Variants in SULF1 observed in about 807,000 individuals in gnomAD.
SULF1 encodes extracellular sulfatase Sulf-1.
Under a neutral mutation model 110.5 loss-of-function variants are expected in SULF1, and 46 were observed. The observed-to-expected ratio is 0.42, with a 90% CI of 0.33 to 0.53. The LOEUF (loss-of-function observed/expected upper bound fraction) is 0.53. Ranked by LOEUF, SULF1 falls within the 20% of genes least tolerant of loss-of-function variation. The probability of loss-of-function intolerance (pLI) is 0.12; values close to 1 mark genes in which losing one functional copy is unlikely to be tolerated. For synonymous variants in SULF1, 371 were observed against 387.1 expected (o/e 0.96, Z 0.49); for missense variants, 941 against 1,094.2 (o/e 0.86, Z 1.98).
intron 1 of SULF1, among the ~76,000 whole-genome samples, chr8:69,479,902 G>A (rs1339487039): frequency 6.6e-6 from 1 of 152,176 alleles, no homozygotes; most frequent in Non-Finnish European, 1.5e-5. Flanking sequence ...ACAAGGAAAA[G>A]AGATGAGTCC....
intron 1 of SULF1, among the ~76,000 whole-genome samples, chr8:69,484,928 T>C (rs189380571): frequency 2.6e-5 from 4 of 152,132 alleles, no homozygotes; most frequent in Admixed American, 2.6e-4. Context: ...GATCTGGAAC[T>C]CCTGAGCTCA....
chr8:69,594,294 G>A (rs916821154), intron 8 of SULF1, among the ~76,000 whole-genome samples: 11 of 152,038 alleles, frequency 7.2e-5, no homozygotes, highest in Admixed American at 1.3e-4. Flanking sequence ...CAGGTGATCC[G>A]CCCGCCTCAG....
At chr8:69,472,803 C>T (rs1045320959) in intron 1 of SULF1, among the ~76,000 whole-genome samples, 1 of 152,152 alleles carries the variant, frequency 6.6e-6, no homozygotes, top group Non-Finnish European at 1.5e-5. Context: ...TCCATGTACT[C>T]CTGCACAGTA....
At chr8:69,524,045 C>T (rs185228883) in intron 3 of SULF1, among the ~76,000 whole-genome samples, 11 of 152,082 alleles carry the variant, frequency 7.2e-5, no homozygotes, top group South Asian at 4.2e-4. Context: ...TTAGGAACAA[C>T]GTCCTAGGGT....
At chr8:69,597,049 A>C (rs1484236102) in intron 8 of SULF1, 4 of 152,230 alleles carry the variant, frequency 2.6e-5, no homozygotes, top group African/African-American at 9.6e-5. Flanking sequence ...GGAATAACTC[A>C]ATATGTGGTT....
At chr8:69,490,984 C>T (rs980961357), upstream of SULF1, among the ~76,000 whole-genome samples, 99 of 152,100 alleles carry the variant, frequency 6.5e-4, no homozygotes, top group African/African-American at 1.8e-3. Flanking sequence ...TTCCTGAAGC[C>T]GAATCCTCAG....
At chr8:69,498,877 G>T (rs1810581072) in intron 2 of SULF1, among the ~76,000 whole-genome samples, 1 of 152,184 alleles carries the variant, frequency 6.6e-6, no homozygotes, top group African/African-American at 2.4e-5. Context: ...TATTTATTTT[G>T]AGACAGAGTC....
chr8:69,576,262 A>G, intron 6 of SULF1, 53 bp downstream of exon 6: 1 of 1,556,318 alleles, frequency 6.4e-7, no homozygotes, highest in South Asian at 1.2e-5. Context: ...TCTTAGACTC[A>G]GGAAGAAGTG....
chr8:69,501,474 C>A (rs150558770), intron 2 of SULF1, among the ~76,000 whole-genome samples: 2 of 152,194 alleles, frequency 1.3e-5, no homozygotes, highest in African/African-American at 4.8e-5. Context: ...TTAAAAGATT[C>A]CATGATTCAG....
At chr8:69,584,080 G>C (rs1806273953) in intron 6 of SULF1, among the ~76,000 whole-genome samples, 1 of 152,192 alleles carries the variant, frequency 6.6e-6, no homozygotes, top group Non-Finnish European at 1.5e-5. Flanking sequence ...GGGCAAGCTA[G>C]CAGAGTACAC....
At chr8:69,613,339 A>T (rs1586551237) in intron 13 of SULF1, among the ~76,000 whole-genome samples, 4 of 116,518 alleles carry the variant, frequency 3.4e-5, no homozygotes, top group South Asian at 2.9e-4. Flanking sequence ...GTTTTGGTGT[A>T]GCCAATTTTT....
At chr8:69,628,357 C>A in intron 18 of SULF1, 121 bp downstream of exon 18, 1 of 792,196 alleles carries the variant, frequency 1.3e-6, no homozygotes, top group Non-Finnish European at 2.1e-6. Flanking sequence ...GTAGATCCAT[C>A]TAGGAGGGCA....
chr8:69,646,660 C>G (rs1811932715), intron 22 of SULF1, among the ~76,000 whole-genome samples: 1 of 152,122 alleles, frequency 6.6e-6, no homozygotes, highest in South Asian at 2.1e-4. Context: ...CAAGATTACA[C>G]AGCTGATAAA....
At chr8:69,617,363 G>T (rs1809231807) in intron 13 of SULF1, among the ~76,000 whole-genome samples, 1 of 103,794 alleles carries the variant, frequency 9.6e-6, no homozygotes, top group African/African-American at 3.8e-5. Flanking sequence ...GCATGTGCCA[G>T]CATGCTTAGC....
Position 69,588,992 on chromosome 8 carries a change from C to G in SULF1, c.585C>G (p.Ile195Met). 6.2e-7 allele frequency: 1 copy of G among 1,613,668 alleles called. No individual in the cohort carries two copies. The highest frequency in any genetic ancestry group is 8.5e-7 in the Non-Finnish European group (1 of 1,179,704). Residue 195 changes from isoleucine to methionine, a missense_variant, in exon 8 of 23, where the codon ATC (isoleucine) becomes ATG (methionine). Coordinates refer to ENST00000402687, the MANE Select transcript of SULF1 (RefSeq NM_001128205.2). ...DYAKDYFTDL[I>M]TNESINYFKM... ...TTCAGGACTACTTCACAGACTTAAT[C>G]ACTAACGAGAGCATTAATTACTTCA...
Position 69,659,199 on chromosome 8 carries a change from C to T in SULF1, c.*664C>T, listed in dbSNP as rs754981997. The T allele has an allele frequency of 5.5e-5, 25 of 456,640 alleles. No homozygotes were observed. Among genetic ancestry groups the T allele is most frequent in the Non-Finnish European group, 9.7e-5 (22 of 227,020 alleles). 28.3% of individuals were successfully genotyped at this position (456,640 alleles called of 1,614,324 possible). On this transcript the variant is annotated 3_prime_UTR_variant, in exon 23 of 23. Transcript: ENST00000402687. ...TTCATCAGATGTTCACCATGGCCAC[C>T]GCAGAACACCGAAGTAATTCCAGCA...
intron 12 of SULF1, 128 bp from the exon 13 acceptor site, chr8:69,604,675 A>T: frequency 8.2e-7 from 1 of 1,218,942 alleles, no homozygotes; most frequent in Non-Finnish European, 1.2e-6. Context: ...ACAGAGCTTT[A>T]ACATCTATTT....
At chr8:69,630,689 G>A (rs1810450717) in intron 19 of SULF1, among the ~76,000 whole-genome samples, 1 of 152,062 alleles carries the variant, frequency 6.6e-6, no homozygotes, top group South Asian at 2.1e-4. Flanking sequence ...AACTGGGGAC[G>A]CAACATCTAG....
At chr8:69,490,379 G>C (rs1252913993), upstream of SULF1, among the ~76,000 whole-genome samples, 1 of 152,106 alleles carries the variant, frequency 6.6e-6, no homozygotes, top group Non-Finnish European at 1.5e-5. Context: ...GGCATTATAG[G>C]CATGAGCCAC....
Sources: allele counts gnomAD v4.1 joint callset (sites outside exome capture counted in the v4.1 genomes callset), GRCh38; gene constraint gnomAD v4.1.1; transcripts MANE v1.5; gene names NCBI Gene and HGNC (gene_info 2026-07-23, HGNC 2026-07-21).